The following FHIT variants were observed in gnomAD, a reference collection of about 807,000 sequenced individuals.
FHIT encodes bis(5'-adenosyl)-triphosphatase.
FHIT carries 19 observed loss-of-function variants against 17.9 expected under a neutral mutation model. The ratio of observed to expected loss-of-function variants is 1.06; its 90% CI spans 0.74 to 1.56. FHIT has a LOEUF of 1.56. Among genes scored for constraint, FHIT ranks in the 40% most tolerant of loss-of-function variants. The pLI is 0.00. For synonymous variants in FHIT, 81 were observed against 69.7 expected (o/e 1.16, Z -0.81); for missense variants, 248 against 189.2 (o/e 1.31, Z -1.82).
At chr3:60,961,376 G>T (rs1194842867) in intron 3 of FHIT, among the ~76,000 whole-genome samples, 1 of 152,098 alleles carries the variant, frequency 6.6e-6, no homozygotes, top group African/African-American at 2.4e-5. Context: ...CCATTCTGTA[G>T]GTTGCCTGTT....
chr3:60,708,856 G>A (rs1450396416), intron 4 of FHIT, among the ~76,000 whole-genome samples: 3 of 152,114 alleles, frequency 2.0e-5, no homozygotes, highest in African/African-American at 7.2e-5. Context: ...AACTTTTAAT[G>A]TGCTATTACC....
At chr3:61,187,727 C>T (rs1338743625) in intron 2 of FHIT, among the ~76,000 whole-genome samples, 1 of 152,232 alleles carries the variant, frequency 6.6e-6, no homozygotes, top group Non-Finnish European at 1.5e-5. Flanking sequence ...TTAGAAGAAA[C>T]TGTCTCTCAG....
intron 5 of FHIT, among the ~76,000 whole-genome samples, chr3:60,097,479 T>G (rs1704002496): frequency 6.6e-6 from 1 of 152,018 alleles, no homozygotes; most frequent in South Asian, 2.1e-4. Context: ...CAACATGAGT[T>G]TGAACTGTGT....
At chr3:60,323,792 A>C (rs1188509480) in intron 5 of FHIT, among the ~76,000 whole-genome samples, 1 of 152,190 alleles carries the variant, frequency 6.6e-6, no homozygotes, top group Non-Finnish European at 1.5e-5. Context: ...TTAACCTTGA[A>C]ACAAAAGGAT....
At chr3:60,768,159 A>T (rs1230368157) in intron 4 of FHIT, among the ~76,000 whole-genome samples, 1 of 152,330 alleles carries the variant, frequency 6.6e-6, no homozygotes, top group African/African-American at 2.4e-5. Flanking sequence ...ATCAGTGGGC[A>T]AAACTTCAAA....
chr3:60,001,830 T>G (rs1699740531), intron 7 of FHIT, among the ~76,000 whole-genome samples: 1 of 152,158 alleles, frequency 6.6e-6, no homozygotes, highest in Admixed American at 6.5e-5. Context: ...ATCAAAATTA[T>G]ACTGCTAGAA....
At chr3:59,882,717 G>T (rs1453240790) in intron 8 of FHIT, among the ~76,000 whole-genome samples, 1 of 152,166 alleles carries the variant, frequency 6.6e-6, no homozygotes, top group Non-Finnish European at 1.5e-5. Flanking sequence ...CAGATGCCCT[G>T]GCAAATGGTG....
intron 5 of FHIT, among the ~76,000 whole-genome samples, chr3:60,499,214 A>T (rs1184563698): frequency 1.3e-5 from 2 of 152,114 alleles, no homozygotes; most frequent in African/African-American, 4.8e-5. Flanking sequence ...TACTTAAATG[A>T]TTTGCAGCAA....
intron 4 of FHIT, among the ~76,000 whole-genome samples, chr3:60,741,607 T>TC (rs1475274543): frequency 6.6e-6 from 1 of 152,184 alleles, no homozygotes; most frequent in African/African-American, 2.4e-5. Flanking sequence ...TTTGTAACAT[T>TC]CCCCCCAGGC....
At chr3:60,584,391 A>G (rs2037842219) in intron 4 of FHIT, among the ~76,000 whole-genome samples, 1 of 151,954 alleles carries the variant, frequency 6.6e-6, no homozygotes, top group African/African-American at 2.4e-5. Flanking sequence ...TGTTTTACAC[A>G]TACACACATA....
intron 8 of FHIT, among the ~76,000 whole-genome samples, chr3:59,879,980 G>C (rs1377525167): frequency 3.9e-4 from 2 of 5,070 alleles, no homozygotes; most frequent in East Asian, 0.17. Context: ...AACCAAGAGA[G>C]AAGAGGAGAA....
intron 4 of FHIT, among the ~76,000 whole-genome samples, chr3:60,718,652 A>C (rs193202982): frequency 1.3e-4 from 20 of 152,364 alleles, no homozygotes; most frequent in Admixed American, 1.3e-4. Context: ...CAAAGATTAT[A>C]GTTATGTATG....
At chr3:60,378,091 A>T (rs1457978579) in intron 5 of FHIT, among the ~76,000 whole-genome samples, 3 of 151,950 alleles carry the variant, frequency 2.0e-5, no homozygotes, top group Admixed American at 1.3e-4. Flanking sequence ...CAGTGGCGCG[A>T]TCACGGCTCA....
chr3:60,123,825 T>C (rs1461317517), intron 5 of FHIT, among the ~76,000 whole-genome samples: 4 of 151,090 alleles, frequency 2.6e-5, no homozygotes, highest in Non-Finnish European at 4.4e-5. Context: ...TCAGTAGTGA[T>C]AGTATACTAC....
intron 3 of FHIT, among the ~76,000 whole-genome samples, chr3:60,850,359 C>T (rs553592174): frequency 7.4e-6 from 1 of 135,342 alleles, no homozygotes; most frequent in South Asian, 2.2e-4. Flanking sequence ...CTCTCTCTCT[C>T]TCTCTCTCAT....
chr3:60,904,689 C>T (rs1417715799), intron 3 of FHIT, among the ~76,000 whole-genome samples: 1 of 152,040 alleles, frequency 6.6e-6, no homozygotes, highest in African/African-American at 2.4e-5. Context: ...GCCTGTACTT[C>T]CTAGCACTTT....
At chr3:60,114,068 T>TATATAA (rs1230096605) in intron 5 of FHIT, among the ~76,000 whole-genome samples, 2 of 99,348 alleles carry the variant, frequency 2.0e-5, no homozygotes, top group Non-Finnish European at 3.9e-5. Flanking sequence ...TATATATATA[T>TATATAA]ATATAATGTT....
chr3:60,569,708 ATATT>A lies in FHIT; in HGVS notation c.-17-32733_-17-32730del, dbSNP rs1293704554. ...CAAATTAGTCACCTCATATTTAGAG[ATATT>A]TATTTATTAATACTATATATATATA... On this transcript the variant is annotated intron_variant, in intron 4 of 9. Coordinates refer to ENST00000492590, the MANE Select transcript of FHIT (RefSeq NM_002012.4). Among the ~76,000 whole-genome samples, 88 of 128,956 alleles carry A rather than the reference ATATT, an allele frequency of 6.8e-4. 2 individuals are homozygous for A. Among genetic ancestry groups the A allele is most frequent in the Non-Finnish European group, 3.3e-4 (20 of 61,370 alleles). The allele number at this position is 128,956 out of a possible 152,430, so 84.6% of individuals were successfully genotyped here.
At chr3:60,510,070 C>G (rs1410971427) in intron 5 of FHIT, among the ~76,000 whole-genome samples, 2 of 152,052 alleles carry the variant, frequency 1.3e-5, no homozygotes, top group Admixed American at 6.6e-5. Context: ...TTATTTTTGT[C>G]TCTGGAAAAT....
Sources: gnomAD v4.1 joint callset for allele counts (sites outside exome capture counted in the v4.1 genomes callset) on GRCh38, gnomAD v4.1.1 for gene constraint, MANE v1.5 for transcripts, NCBI Gene and HGNC (gene_info 2026-07-23, HGNC 2026-07-21) for gene names.